RALGAPA1: variants seen among roughly 807,000 people sequenced by gnomAD.
RALGAPA1 encodes ral GTPase-activating protein subunit alpha-1.
RALGAPA1 carries 52 observed loss-of-function variants against 269.6 expected under a neutral mutation model. That is an observed-to-expected ratio of 0.19 (90% CI 0.15 to 0.24). RALGAPA1 has a LOEUF of 0.24. RALGAPA1 is among the 10% of genes least tolerant of loss of function. The pLI, the probability that RALGAPA1 is intolerant of heterozygous loss-of-function variation, is 1.00. For missense variants in RALGAPA1, 1,917 were observed against 3,013.9 expected (o/e 0.64, Z 8.52); for synonymous variants, 817 against 1,008.3 (o/e 0.81, Z 3.60).
At chr14:35,672,229 T>C (rs2064521183) in intron 25 of RALGAPA1, among the ~76,000 whole-genome samples, 1 of 152,182 alleles carries the variant, frequency 6.6e-6, no homozygotes, top group South Asian at 2.1e-4. Context: ...TTAATATTAA[T>C]ATACTCTGTA....
At chr14:35,785,078 T>C (rs753226133) in intron 1 of RALGAPA1, among the ~76,000 whole-genome samples, 1 of 152,190 alleles carries the variant, frequency 6.6e-6, no homozygotes, top group African/African-American at 2.4e-5. Context: ...TAATTGTACA[T>C]GTCCAAAACA....
chr14:35,715,780 A>G, intron 16 of RALGAPA1: 1 of 985,384 alleles, frequency 1.0e-6, no homozygotes, highest in Non-Finnish European at 1.2e-6. Context: ...TCCAACCTTG[A>G]AGCTTGCTCA....
intron 18 of RALGAPA1, among the ~76,000 whole-genome samples, chr14:35,687,397 A>G (rs769082987): frequency 6.6e-6 from 1 of 152,198 alleles, no homozygotes; most frequent in Non-Finnish European, 1.5e-5. Flanking sequence ...CACTGTTTAT[A>G]TTCCTAATAA....
chr14:35,590,807 C>T (rs1386217824), intron 37 of RALGAPA1, among the ~76,000 whole-genome samples: 1 of 152,178 alleles, frequency 6.6e-6, no homozygotes, highest in Non-Finnish European at 1.5e-5. Context: ...AACCCTGTTT[C>T]AAAGCTTATT....
At chr14:35,686,513 T>C (rs779574068) in intron 19 of RALGAPA1, 29 bp downstream of exon 19, 136 of 1,574,254 alleles carry the variant, frequency 8.6e-5, no homozygotes, top group African/African-American at 4.1e-5. Flanking sequence ...CCCTCCTCTA[T>C]AAAACCAAAT....
intron 16 of RALGAPA1, among the ~76,000 whole-genome samples, chr14:35,701,308 T>C (rs143554491): frequency 6.6e-6 from 1 of 152,180 alleles, no homozygotes; most frequent in Admixed American, 6.6e-5. Context: ...ATAGTAATGG[T>C]GGCAAAATAA....
intron 39 of RALGAPA1, among the ~76,000 whole-genome samples, chr14:35,558,315 C>T (rs575060031): frequency 2.0e-5 from 3 of 152,186 alleles, no homozygotes; most frequent in South Asian, 2.1e-4. Flanking sequence ...ATACTAATAT[C>T]GTTTATATGT....
chr14:35,600,635 C>T lies in RALGAPA1; in HGVS notation c.7054-4846G>A, dbSNP rs574279758. On this transcript the variant is annotated intron_variant, in intron 36 of 41. Coordinates refer to ENST00000680220, the MANE Select transcript of RALGAPA1 (RefSeq NM_001346249.2). ...CACTCCACTTGGTTGTTGGGTACAA[C>T]TACATAGCCTTTTATTTCAGTTATT... 2.1e-3 allele frequency among the ~76,000 whole-genome samples: 320 copies of T among 152,316 alleles called. 3 individuals are homozygous for T. Among genetic ancestry groups the T allele is most frequent in the African/African-American group, 7.4e-3 (307 of 41,562 alleles).
chr14:35,648,754 C>A (rs954654564), intron 31 of RALGAPA1, among the ~76,000 whole-genome samples: 4 of 151,954 alleles, frequency 2.6e-5, no homozygotes, highest in African/African-American at 7.3e-5. Flanking sequence ...GTCTAGATTG[C>A]GCCACTGTAC....
Position 35,677,907 on chromosome 14 carries a change from G to T in RALGAPA1, c.4624+43C>A, listed in dbSNP as rs371438571. ...TTATTTATGATCTCCTGACACTGAC[G>T]CCCTAAAAGAAAAAAGGTAAATATC... On this transcript the variant is annotated intron_variant, in intron 22 of 41. Transcript: ENST00000680220. 79 of 1,563,956 alleles carry T rather than the reference G, an allele frequency of 5.1e-5. No homozygotes were observed. The African/African-American group carries it at 1.0e-3, about 20-fold the overall frequency.
At chr14:35,700,544 C>T (rs2067256044) in intron 16 of RALGAPA1, among the ~76,000 whole-genome samples, 1 of 152,198 alleles carries the variant, frequency 6.6e-6, no homozygotes, top group Admixed American at 6.5e-5. Context: ...TTATTATTAG[C>T]AGTTACAATG....
In RALGAPA1 at chr14:35,766,544, G is replaced by A. The variant is rs577794755; in HGVS notation, c.326-3791C>T. The A allele has an allele frequency of 1.4e-5, 14 of 971,520 alleles. No homozygotes were observed. The Admixed American group carries it at 2.0e-4, about 14-fold the overall frequency. 60.2% of individuals were successfully genotyped at this position (971,520 alleles called of 1,614,324 possible). ...TATTGTGCACATCAGAAGCAGCATC[G>A]AGTATAGCAAGATCTGATGGGCTAC... is the stretch of plus-strand genomic sequence containing the variant. On this transcript the variant is annotated intron_variant, in intron 4 of 41. Coordinates refer to ENST00000680220, the MANE Select transcript of RALGAPA1 (RefSeq NM_001346249.2).
At position 35,688,521 on chromosome 14, in the gene RALGAPA1, G is replaced by A. The variant is rs1426479935; in HGVS notation, c.3890C>T (p.Pro1297Leu). ...GTACAGATCCCTCAGTGGAGCCTCT[G>A]GTGGCATTCTGTTCTGCCTCTGTGG... ...VSPQRQNRMP[P>L]EAPLRDLYSH... The change falls in exon 18 of 42, where the codon CCA (proline) becomes CTA (leucine). Residue 1297 changes from proline to leucine, a missense_variant. Pro to Leu is a moderately conservative substitution (Grantham distance 98). This residue lies in a region of RALGAPA1 where 615 missense variants were observed against 790.0 expected (regional missense o/e 0.78). Coordinates refer to ENST00000680220, the MANE Select transcript of RALGAPA1 (RefSeq NM_001346249.2). 2 of 1,536,058 alleles carry A rather than the reference G, an allele frequency of 1.3e-6. No homozygotes were observed. Among genetic ancestry groups the A allele is most frequent in the African/African-American group, 1.4e-5 (1 of 73,162 alleles).
chr14:35,662,287 T>G (rs140892916), intron 27 of RALGAPA1, among the ~76,000 whole-genome samples: 12 of 152,154 alleles, frequency 7.9e-5, no homozygotes, highest in African/African-American at 2.7e-4. Flanking sequence ...TATACATACA[T>G]GACACTTTAG....
At chr14:35,682,968 G>A (rs1438534110) in intron 21 of RALGAPA1, among the ~76,000 whole-genome samples, 1 of 152,102 alleles carries the variant, frequency 6.6e-6, no homozygotes, top group Non-Finnish European at 1.5e-5. Flanking sequence ...CTCTGTCTGG[G>A]CTGGCTGAGG....
At chr14:35,645,662 G>A (rs918111530) in intron 31 of RALGAPA1, among the ~76,000 whole-genome samples, 13 of 151,240 alleles carry the variant, frequency 8.6e-5, no homozygotes, top group African/African-American at 2.9e-4. Flanking sequence ...CCCGGGAGGC[G>A]GAGCTTGCAG....
chr14:35,604,689 T>C (rs551433514), intron 36 of RALGAPA1, among the ~76,000 whole-genome samples: 1 of 152,108 alleles, frequency 6.6e-6, no homozygotes, highest in Non-Finnish European at 1.5e-5. Flanking sequence ...AAAGTTTAAA[T>C]GGTAGCCAAG....
chr14:35,762,522 C>T (rs746735746), intron 5 of RALGAPA1, among the ~76,000 whole-genome samples, 188 bp downstream of exon 5: 1 of 152,208 alleles, frequency 6.6e-6, no homozygotes, highest in Non-Finnish European at 1.5e-5. Context: ...TCCCAAAGTG[C>T]AGAGATTACA....
At chr14:35,684,602 T>C (rs2065758214) in intron 20 of RALGAPA1, among the ~76,000 whole-genome samples, 1 of 152,208 alleles carries the variant, frequency 6.6e-6, no homozygotes, top group South Asian at 2.1e-4. Context: ...CAACATAAAG[T>C]AGCTTCAACT....
Sources: allele counts gnomAD v4.1 joint callset (sites outside exome capture counted in the v4.1 genomes callset), GRCh38; gene constraint gnomAD v4.1.1; regional missense constraint gnomAD v4.1.1; transcripts MANE v1.5; gene names NCBI Gene and HGNC (gene_info 2026-07-23, HGNC 2026-07-21).